The following WDR70 variants were observed in gnomAD, a reference collection of about 807,000 sequenced individuals.
The protein encoded by WDR70 is WD repeat-containing protein 70.
Under a neutral mutation model 88.6 loss-of-function variants are expected in WDR70, and 53 were observed. That is an observed-to-expected ratio of 0.60 (90% CI 0.48 to 0.75). The LOEUF (loss-of-function observed/expected upper bound fraction) is 0.75, where lower values mean the gene tolerates loss of function less well. Ranked by LOEUF, WDR70 falls within the 30% of genes least tolerant of loss-of-function variation. The pLI is 0.00. For missense variants in WDR70, 610 were observed against 823.2 expected (o/e 0.74, Z 3.17); for synonymous variants, 280 against 270.0 (o/e 1.04, Z -0.36).
At chr5:37,390,247 GT>G (rs35473214) in intron 3 of WDR70, among the ~76,000 whole-genome samples, 44 of 148,418 alleles carry the variant, frequency 3.0e-4, no homozygotes, top group South Asian at 8.5e-4. Context: ...TAATGTAGTA[GT>G]TTTTTTTTTA....
chr5:37,554,043 AGACAGTT>A (rs922035394), intron 9 of WDR70, among the ~76,000 whole-genome samples: 1 of 151,758 alleles, frequency 6.6e-6, no homozygotes, highest in African/African-American at 2.4e-5. Flanking sequence ...CCTTCCACAG[AGACAGTT>A]GATCCATTTG....
At chr5:37,745,605 A>G (rs969098037) in intron 17 of WDR70, among the ~76,000 whole-genome samples, 1 of 114,500 alleles carries the variant, frequency 8.7e-6, no homozygotes, top group Non-Finnish European at 1.6e-5. Flanking sequence ...AATGGAAAGC[A>G]AAAAAAAAAT....
intron 12 of WDR70, among the ~76,000 whole-genome samples, chr5:37,702,144 G>A (rs1341190783): frequency 6.6e-6 from 1 of 152,200 alleles, no homozygotes; most frequent in African/African-American, 2.4e-5. Context: ...CTGTATGAAA[G>A]CTGTATGATA....
chr5:37,412,584 T>C (rs967076499), intron 5 of WDR70, among the ~76,000 whole-genome samples: 4 of 152,202 alleles, frequency 2.6e-5, no homozygotes, highest in Admixed American at 6.5e-5. Context: ...TTTTTATGAC[T>C]GTAACTAAGG....
At chr5:37,696,550 G>C (rs1001077565) in intron 10 of WDR70, among the ~76,000 whole-genome samples, 1 of 152,158 alleles carries the variant, frequency 6.6e-6, no homozygotes, top group African/African-American at 2.4e-5. Flanking sequence ...CTCACATGCT[G>C]TCATTACCAG....
chr5:37,671,830 G>A (rs994556631), intron 10 of WDR70, among the ~76,000 whole-genome samples: 1 of 152,124 alleles, frequency 6.6e-6, no homozygotes, highest in African/African-American at 2.4e-5. Flanking sequence ...AGGGCTTTGT[G>A]GAACAGGCGT....
chr5:37,666,611 G>T (rs757810243), intron 10 of WDR70, among the ~76,000 whole-genome samples: 1 of 152,168 alleles, frequency 6.6e-6, no homozygotes, highest in Non-Finnish European at 1.5e-5. Context: ...TTCAGATTCC[G>T]TTGGTGGTTG....
intron 9 of WDR70, among the ~76,000 whole-genome samples, chr5:37,593,325 A>G (rs887317405): frequency 2.0e-5 from 3 of 151,368 alleles, no homozygotes; most frequent in African/African-American, 7.3e-5. Flanking sequence ...ACCCCTCAAC[A>G]GGCCCCAGGA....
intron 13 of WDR70, among the ~76,000 whole-genome samples, chr5:37,707,939 AAAAAAAAAAATATATAT>A: frequency 2.8e-5 from 1 of 35,520 alleles, no homozygotes; most frequent in African/African-American, 1.1e-4. Flanking sequence ...AAAAAAAAAA[AAAAAAAAAAATATATAT>A]ATATATATAT....
At chr5:37,698,744 C>T (rs1484617516) in intron 11 of WDR70, among the ~76,000 whole-genome samples, 1 of 152,152 alleles carries the variant, frequency 6.6e-6, no homozygotes, top group African/African-American at 2.4e-5. Flanking sequence ...AGATGTGGCA[C>T]AGCTTTCCCC....
At chr5:37,576,890 G>A (rs1581407193) in intron 9 of WDR70, among the ~76,000 whole-genome samples, 1 of 152,096 alleles carries the variant, frequency 6.6e-6, no homozygotes, top group East Asian at 1.9e-4. Context: ...AGAAGAGCTA[G>A]GCTAAAGACA....
intron 13 of WDR70, among the ~76,000 whole-genome samples, chr5:37,707,280 A>G (rs926483697): frequency 1.3e-5 from 2 of 152,148 alleles, no homozygotes; most frequent in African/African-American, 2.4e-5. Context: ...ATATTGTTTC[A>G]TGGTCTCTGT....
intron 4 of WDR70, among the ~76,000 whole-genome samples, chr5:37,393,688 T>A (rs1360058866): frequency 6.6e-6 from 1 of 152,134 alleles, no homozygotes; most frequent in Admixed American, 6.6e-5. Context: ...ATTGATTTTT[T>A]AATTTTTTTT....
intron 10 of WDR70, among the ~76,000 whole-genome samples, chr5:37,615,004 C>T (rs1744293908): frequency 6.6e-6 from 1 of 151,606 alleles, no homozygotes; most frequent in Non-Finnish European, 1.5e-5. Flanking sequence ...CAGATTACTA[C>T]CAAAAAATTT....
rs1318106901 is a variant in WDR70 at position 37,686,202 on chromosome 5, G to A, written c.1093-11453G>A. On this transcript the variant is annotated intron_variant, in intron 10 of 17. Transcript: ENST00000265107. The stretch of plus-strand genomic sequence containing the variant: ...CATGGTGGCTTGTGTTGTAGTCACA[G>A]TACTTGGGAGGCTGAGGCAGGAAGA... 4.6e-5 allele frequency among the ~76,000 whole-genome samples: 7 copies of A among 150,718 alleles called. No homozygotes were observed. In the East Asian group the frequency reaches 8.0e-4, roughly 17 times the overall value.
At chr5:37,470,701 A>G (rs1482964626) in intron 7 of WDR70, among the ~76,000 whole-genome samples, 1 of 152,156 alleles carries the variant, frequency 6.6e-6, no homozygotes, top group African/African-American at 2.4e-5. Context: ...ATGAATATAT[A>G]TCTACTTAGC....
At chr5:37,496,324 C>T (rs1740213331) in intron 8 of WDR70, among the ~76,000 whole-genome samples, 1 of 152,204 alleles carries the variant, frequency 6.6e-6, no homozygotes, top group South Asian at 2.1e-4. Context: ...CTGCTGCTCA[C>T]TCTGGGTCCG....
chr5:37,440,284 A>G (rs965504561), intron 6 of WDR70, among the ~76,000 whole-genome samples: 1 of 152,184 alleles, frequency 6.6e-6, no homozygotes, highest in Non-Finnish European at 1.5e-5. Context: ...AGGGTGATAC[A>G]CATTAATTCT....
intron 10 of WDR70, among the ~76,000 whole-genome samples, chr5:37,655,701 G>A (rs1388317197): frequency 2.0e-5 from 3 of 151,348 alleles, no homozygotes; most frequent in African/African-American, 7.3e-5. Context: ...TTCAATCTCT[G>A]ATATCCTTTC....
Sources: gnomAD v4.1 joint callset for allele counts (sites outside exome capture counted in the v4.1 genomes callset) on GRCh38, gnomAD v4.1.1 for gene constraint, MANE v1.5 for transcripts, NCBI Gene and HGNC (gene_info 2026-07-23, HGNC 2026-07-21) for gene names.